TMEM117: variants seen among roughly 807,000 people sequenced by gnomAD.
TMEM117 encodes the protein transmembrane protein 117.
In TMEM117, 27 loss-of-function variants were observed where a neutral mutation model predicts 52.4. The observed-to-expected ratio is 0.51, with a 90% confidence interval of 0.38 to 0.71. The LOEUF (loss-of-function observed/expected upper bound fraction) is 0.71. Ranked by LOEUF, TMEM117 falls within the 30% of genes least tolerant of loss-of-function variation. The pLI is 0.00. For missense variants in TMEM117, 556 were observed against 630.5 expected (o/e 0.88, Z 1.26); for synonymous variants, 215 against 206.3 (o/e 1.04, Z -0.36).
chr12:44,050,117 A>G (rs1440748448), intron 3 of TMEM117, among the ~76,000 whole-genome samples: 3 of 152,312 alleles, frequency 2.0e-5, no homozygotes, highest in Admixed American at 6.5e-5. Flanking sequence ...GAGCAAAGCT[A>G]TTGGGTAGTG....
intron 4 of TMEM117, among the ~76,000 whole-genome samples, chr12:44,200,797 C>T (rs1949485554): frequency 1.3e-5 from 2 of 152,120 alleles, no homozygotes; most frequent in African/African-American, 2.4e-5. Flanking sequence ...AGTTCTTCAA[C>T]GTAGGTGCCA....
intron 4 of TMEM117, among the ~76,000 whole-genome samples, chr12:44,207,680 A>T (rs1489889054): frequency 6.6e-6 from 1 of 152,120 alleles, no homozygotes; most frequent in Non-Finnish European, 1.5e-5. Flanking sequence ...ATGGGATAGA[A>T]ATCTCAGATA....
intron 1 of TMEM117, among the ~76,000 whole-genome samples, chr12:43,839,416 A>G (rs1943083540): frequency 1.3e-5 from 2 of 152,044 alleles, no homozygotes; most frequent in Non-Finnish European, 1.5e-5. Context: ...CCATCCAGTC[A>G]TACTGCCCTC....
At chr12:44,098,272 A>T (rs1236872203) in intron 3 of TMEM117, among the ~76,000 whole-genome samples, 1 of 152,066 alleles carries the variant, frequency 6.6e-6, no homozygotes, top group Non-Finnish European at 1.5e-5. Flanking sequence ...CATAGAGGTC[A>T]GTGATGGCAT....
intron 3 of TMEM117, among the ~76,000 whole-genome samples, chr12:43,976,810 A>G (rs890972936): frequency 6.6e-6 from 1 of 152,196 alleles, no homozygotes; most frequent in African/African-American, 2.4e-5. Flanking sequence ...TGTGTGCAGC[A>G]ACAGGTTTGT....
At chr12:44,209,871 A>G (rs1341936987) in intron 4 of TMEM117, among the ~76,000 whole-genome samples, 2 of 152,124 alleles carry the variant, frequency 1.3e-5, no homozygotes, top group Non-Finnish European at 2.9e-5. Context: ...GAATGTTTCC[A>G]GAGACCATTT....
At chr12:44,374,942 A>G (rs1352031785) in intron 6 of TMEM117, among the ~76,000 whole-genome samples, 1 of 151,812 alleles carries the variant, frequency 6.6e-6, no homozygotes, top group Admixed American at 6.6e-5. Flanking sequence ...TCTGGTTATC[A>G]GTCATTTTCT....
chr12:43,897,527 G>A (rs1944226557), intron 2 of TMEM117, among the ~76,000 whole-genome samples: 2 of 151,780 alleles, frequency 1.3e-5, no homozygotes, highest in African/African-American at 4.8e-5. Flanking sequence ...TGGCCAGGAT[G>A]GTGTCTCCAT....
At chr12:43,974,531 A>G (rs979187981) in intron 3 of TMEM117, among the ~76,000 whole-genome samples, 6 of 152,156 alleles carry the variant, frequency 3.9e-5, no homozygotes, top group African/African-American at 9.6e-5. Flanking sequence ...ATGATTGATT[A>G]AATAAACTTT....
intron 3 of TMEM117, among the ~76,000 whole-genome samples, chr12:44,125,637 T>C (rs189290852): frequency 6.6e-6 from 1 of 152,174 alleles, no homozygotes; most frequent in East Asian, 1.9e-4. Flanking sequence ...TAGTGGTCTA[T>C]CTGTTTTATT....
At chr12:44,054,979 A>G (rs954217072) in intron 3 of TMEM117, among the ~76,000 whole-genome samples, 2 of 152,242 alleles carry the variant, frequency 1.3e-5, no homozygotes, top group African/African-American at 4.8e-5. Flanking sequence ...ATAGTATCAG[A>G]CTAGCCACGG....
At chr12:43,924,504 TTTAA>T (rs1944747074) in intron 2 of TMEM117, among the ~76,000 whole-genome samples, 1 of 152,170 alleles carries the variant, frequency 6.6e-6, no homozygotes, top group South Asian at 2.1e-4. Flanking sequence ...TTTGAAATTA[TTTAA>T]TTATTTCAAG....
chr12:44,231,551 A>G (rs542988261), intron 5 of TMEM117, among the ~76,000 whole-genome samples: 4 of 151,790 alleles, frequency 2.6e-5, no homozygotes, highest in Non-Finnish European at 5.9e-5. Context: ...GATAATCTCT[A>G]CAGCTTTCTG....
chr12:44,358,809 C>T (rs1247620209), intron 6 of TMEM117, among the ~76,000 whole-genome samples: 2 of 152,092 alleles, frequency 1.3e-5, no homozygotes, highest in African/African-American at 2.4e-5. Context: ...CAGCAACCTC[C>T]TCCCACTCCT....
chr12:44,275,985 G>C (rs1950506987), intron 5 of TMEM117, among the ~76,000 whole-genome samples: 2 of 152,266 alleles, frequency 1.3e-5, no homozygotes, highest in South Asian at 4.1e-4. Flanking sequence ...AATGCTTGAA[G>C]GGATGGATAG....
At chr12:44,114,930 T>G (rs1198225858) in intron 3 of TMEM117, among the ~76,000 whole-genome samples, 2 of 152,194 alleles carry the variant, frequency 1.3e-5, no homozygotes, top group Non-Finnish European at 2.9e-5. Context: ...GAATAAAATA[T>G]CTCTTTAATC....
chr12:44,260,090 G>T (rs1190995426), intron 5 of TMEM117, among the ~76,000 whole-genome samples: 1 of 152,154 alleles, frequency 6.6e-6, no homozygotes, highest in Non-Finnish European at 1.5e-5. Context: ...GCCAACGTAG[G>T]GACCGATGGT....
the TMEM117 span, among the ~76,000 whole-genome samples, chr12:43,817,060 C>T: frequency 6.6e-6 from 1 of 152,146 alleles, no homozygotes; most frequent in Non-Finnish European, 1.5e-5. Flanking sequence ...CTTTGAAAGG[C>T]CCACATTTAA....
chr12:43,805,760 T>C, the TMEM117 span: 1 of 1,338,034 alleles, frequency 7.5e-7, no homozygotes, highest in Non-Finnish European at 9.9e-7. Flanking sequence ...GTGAGAAAGA[T>C]TCTGGCATGG....
Sources: gnomAD v4.1 joint callset for allele counts (sites outside exome capture counted in the v4.1 genomes callset) on GRCh38, gnomAD v4.1.1 for gene constraint, MANE v1.5 for transcripts, NCBI Gene and HGNC (gene_info 2026-07-23, HGNC 2026-07-21) for gene names.